ABCB1: variants seen among roughly 807,000 people sequenced by gnomAD.
ABCB1 encodes ATP binding cassette subfamily B member 1.
In ABCB1, 69 loss-of-function variants were observed where a neutral mutation model predicts 142.0. The ratio of observed to expected loss-of-function variants is 0.49; its 90% confidence interval spans 0.40 to 0.59. ABCB1 has a LOEUF of 0.59. Among genes scored for constraint, ABCB1 ranks in the 20% least tolerant of loss-of-function variants. The probability of loss-of-function intolerance (pLI) is 0.00; values close to 1 mark genes in which losing one functional copy is unlikely to be tolerated. For missense variants in ABCB1, 1,326 were observed against 1,554.7 expected (o/e 0.85, Z 2.47); for synonymous variants, 532 against 539.2 (o/e 0.99, Z 0.18).
chr7:87,628,757 C>T, intron 1 of ABCB1: 1 of 1,009,062 alleles, frequency 9.9e-7, no homozygotes, highest in Non-Finnish European at 1.3e-6. Context: ...AGCGAGAACC[C>T]CCTTAAGCAG....
At chr7:87,658,245 T>C (rs1824322627) in intron 1 of ABCB1, among the ~76,000 whole-genome samples, 1 of 152,070 alleles carries the variant, frequency 6.6e-6, no homozygotes, top group African/African-American at 2.4e-5. Flanking sequence ...TGAAAAAATA[T>C]GAAACTGAAA....
intron 1 of ABCB1, among the ~76,000 whole-genome samples, chr7:87,624,377 G>A (rs1451900394): frequency 2.0e-5 from 3 of 152,130 alleles, no homozygotes; most frequent in Non-Finnish European, 4.4e-5. Context: ...AATAAACTAT[G>A]GTTTGGTGAT....
intron 1 of ABCB1, among the ~76,000 whole-genome samples, chr7:87,701,408 T>C (rs1205970888): frequency 1.3e-5 from 2 of 152,220 alleles, no homozygotes; most frequent in African/African-American, 4.8e-5. Context: ...CTTCCCAATA[T>C]AGAAAAGCTT....
chr7:87,596,148 T>C (rs1819200510), intron 2 of ABCB1, among the ~76,000 whole-genome samples: 1 of 151,746 alleles, frequency 6.6e-6, no homozygotes, highest in Non-Finnish European at 1.5e-5. Context: ...CTGAAAAGAG[T>C]TCCCTGTTTT....
intron 1 of ABCB1, among the ~76,000 whole-genome samples, chr7:87,699,870 GGGTAGGT>G (rs1182552402): frequency 6.6e-6 from 1 of 152,150 alleles, no homozygotes; most frequent in East Asian, 1.9e-4. Flanking sequence ...GAGAATGGTT[GGGTAGGT>G]GGTTATGCAT....
upstream of ABCB1, among the ~76,000 whole-genome samples, chr7:87,605,492 G>A (rs1042659336): frequency 6.6e-6 from 1 of 152,158 alleles, no homozygotes; most frequent in Non-Finnish European, 1.5e-5. Context: ...CTCTGAGTAA[G>A]TCACTGCCCC....
rs201779482 is a variant in ABCB1, at chr7:87,550,794, T to C, written c.1044A>G (p.Ala348=). 48 of 1,613,722 alleles carry C rather than the reference T, an allele frequency of 3.0e-5. No individual in the cohort carries two copies. The South Asian group carries it at 4.7e-4, about 16-fold the overall frequency. The change falls in exon 10 of 28, where the codon GCA becomes GCG. Residue 348 remains alanine (A), a synonymous_variant. Coordinates refer to ENST00000622132, the MANE Select transcript of ABCB1 (RefSeq NM_001348946.2). ...TTGCAAATGCTTCAATGCTTGGAGA[T>C]GCCTGTCCAACACTAAAAGCCCCAA... ...VLIGAFSVGQ[A]SPSIEAFANA...
intron 1 of ABCB1, chr7:87,710,570 G>A: frequency 1.3e-6 from 2 of 1,543,026 alleles, no homozygotes; most frequent in Non-Finnish European, 1.8e-6. Flanking sequence ...TTCCTTTTAG[G>A]GTAGAGCCTG....
At chr7:87,523,639 C>G (rs1815639781) in intron 21 of ABCB1, among the ~76,000 whole-genome samples, 2 of 152,136 alleles carry the variant, frequency 1.3e-5, no homozygotes, top group African/African-American at 4.8e-5. Flanking sequence ...AAGTTTCCAT[C>G]ATTCAATTAT....
At chr7:87,566,027 G>C in intron 7 of ABCB1, 43 bp downstream of exon 7, 1 of 1,607,116 alleles carries the variant, frequency 6.2e-7, no homozygotes, top group South Asian at 1.1e-5. Flanking sequence ...AGCAGGAAGG[G>C]AGAAGGTGCA....
At chr7:87,613,259 T>TA (rs1421393101) in intron 1 of ABCB1, among the ~76,000 whole-genome samples, 2 of 70,786 alleles carry the variant, frequency 2.8e-5, no homozygotes, top group African/African-American at 6.2e-5. Context: ...CTTTATTTCT[T>TA]TTTTTTTTTT....
At chr7:87,654,835 T>C (rs1051115512) in intron 1 of ABCB1, among the ~76,000 whole-genome samples, 4 of 152,014 alleles carry the variant, frequency 2.6e-5, no homozygotes, top group African/African-American at 9.7e-5. Context: ...CCAAAATATA[T>C]GAGGAACTCA....
chr7:87,549,428 G>A lies in ABCB1; in HGVS notation c.1645C>T (p.Pro549Ser), dbSNP rs1018838697. 2 of 1,614,042 alleles carry A rather than the reference G, an allele frequency of 1.2e-6. No homozygotes were observed. Among genetic ancestry groups the A allele is most frequent in the Non-Finnish European group, 1.7e-6 (2 of 1,180,046 alleles). The change falls in exon 14 of 28, where the codon CCC (proline) becomes TCC (serine). Residue 549 changes from proline (P) to serine (S), a missense_variant. Coordinates refer to ENST00000622132, the MANE Select transcript of ABCB1 (RefSeq NM_001348946.2). The stretch of plus-strand genomic sequence containing the variant: ...GCCTCATCCAGCAGGAGGATCTTGG[G>A]GTTGCGAACCAGGGCACGTGCAATG... ...IAIARALVRNPKILLLDEATS... is the reference protein window; with the variant it reads ...IAIARALVRNSKILLLDEATS...
At chr7:87,546,399 T>C (rs555243744) in intron 14 of ABCB1, among the ~76,000 whole-genome samples, 40 of 151,972 alleles carry the variant, frequency 2.6e-4, no homozygotes, top group East Asian at 2.3e-3. Context: ...CCATCCTGGC[T>C]AACACAGTGA....
rs1819379304 is a variant in ABCB1 at position 87,600,028 on chromosome 7, CAT to C, written c.68+87_68+88del. ...TCTTAAAAATAATTAAAAACAACAA[CAT>C]GTCATTTATTTCAGAGCTGGAGGCT... is the stretch of plus-strand genomic sequence containing the variant. On this transcript the variant is annotated intron_variant, in intron 2 of 27. Transcript: ENST00000622132. 8 of 1,244,004 alleles carry C rather than the reference CAT, an allele frequency of 6.4e-6. No individual in the cohort carries two copies. The South Asian group carries it at 1.0e-4, about 16-fold the overall frequency. The allele number at this position is 1,244,004 out of a possible 1,614,324, so 77.1% of individuals were successfully genotyped here. A position where few individuals can be genotyped will look rare whatever the true frequency, so the allele number is the denominator to read the frequency against.
At chr7:87,654,265 C>T (rs1004402285) in intron 1 of ABCB1, among the ~76,000 whole-genome samples, 1 of 151,804 alleles carries the variant, frequency 6.6e-6, no homozygotes, top group African/African-American at 2.4e-5. Flanking sequence ...CACAAAAGAC[C>T]CTGACCAAAG....
intron 1 of ABCB1, among the ~76,000 whole-genome samples, chr7:87,632,522 C>T (rs1821327284): frequency 6.6e-6 from 1 of 152,072 alleles, no homozygotes; most frequent in African/African-American, 2.4e-5. Context: ...CATTTGAGGA[C>T]TCTAAATCTT....
Position 87,515,486 on chromosome 7 carries a change from T to C in ABCB1, c.3085-58A>G. ...GCTGCAATACTGAAAATAAAGTGTA[T>C]AGCTAACTCTCTCGATTACCAGGTG... On this transcript the variant is annotated intron_variant, in intron 24 of 27. Transcript: ENST00000622132. 6.6e-6 allele frequency: 10 copies of C among 1,511,146 alleles called. No individual in the cohort carries two copies. The Middle Eastern group carries it at 5.1e-4, about 77-fold the overall frequency. 93.6% of individuals were successfully genotyped at this position (1,511,146 alleles called of 1,614,324 possible).
chr7:87,621,682 T>C (rs560241270), intron 1 of ABCB1, among the ~76,000 whole-genome samples: 26 of 152,042 alleles, frequency 1.7e-4, no homozygotes, highest in Admixed American at 1.6e-3. Flanking sequence ...TACAAACACA[T>C]AGTAACAGAT....
Sources: allele counts gnomAD v4.1 joint callset (sites outside exome capture counted in the v4.1 genomes callset), GRCh38; gene constraint gnomAD v4.1.1; transcripts MANE v1.5; gene names NCBI Gene and HGNC (gene_info 2026-07-23, HGNC 2026-07-21).